Variants in MARCHF1 observed in about 807,000 individuals in gnomAD.
MARCHF1 encodes E3 ubiquitin-protein ligase MARCHF1.
In MARCHF1, 40 loss-of-function variants were observed where a neutral mutation model predicts 54.2. The ratio of observed to expected loss-of-function variants is 0.74; its 90% CI spans 0.57 to 0.96. The LOEUF is 0.96. MARCHF1 is among the 40% of genes least tolerant of loss of function. The pLI is 0.00. For synonymous variants in MARCHF1, 236 were observed against 236.3 expected (o/e 1.00, Z 0.01); for missense variants, 586 against 656.5 (o/e 0.89, Z 1.17).
rs1212913529 is a variant in MARCHF1, at chr4:163,769,931, C to T, written c.112-69068G>A. On this transcript the variant is annotated intron_variant, in intron 4 of 9. Transcript: ENST00000514618. ...TCTGCCTCTGCCACCCCTGAGATAGCAAGACTAACCCCCCTTTTCCTTTTT... is the reference window on the plus strand; with the variant it reads ...TCTGCCTCTGCCACCCCTGAGATAGTAAGACTAACCCCCCTTTTCCTTTTT... Among the ~76,000 whole-genome samples the T allele has an allele frequency of 2.0e-5, 3 of 152,114 alleles. No homozygotes were observed. The East Asian group carries it at 5.8e-4, about 29-fold the overall frequency.
intron 3 of MARCHF1, among the ~76,000 whole-genome samples, chr4:163,897,901 A>C (rs1199307413): frequency 6.6e-6 from 1 of 151,068 alleles, no homozygotes; most frequent in Non-Finnish European, 1.5e-5. Context: ...CTAAAAAAAA[A>C]CACTAAAAAA....
chr4:163,882,045 G>T (rs1213133281), intron 3 of MARCHF1, among the ~76,000 whole-genome samples: 1 of 152,194 alleles, frequency 6.6e-6, no homozygotes, highest in Admixed American at 6.5e-5. Flanking sequence ...TGCAGCATCA[G>T]CTTCTACTTA....
intron 3 of MARCHF1, among the ~76,000 whole-genome samples, chr4:163,897,306 G>A (rs1750831444): frequency 6.6e-6 from 1 of 152,048 alleles, no homozygotes; most frequent in African/African-American, 2.4e-5. Context: ...TTTTTCTGTG[G>A]CTTGCCTAAC....
intron 1 of MARCHF1, among the ~76,000 whole-genome samples, chr4:164,308,583 T>C (rs1393521020): frequency 6.6e-6 from 1 of 152,148 alleles, no homozygotes; most frequent in East Asian, 1.9e-4. Context: ...GGGAGATAAT[T>C]ACAAATGCTT....
intron 4 of MARCHF1, among the ~76,000 whole-genome samples, chr4:163,794,128 T>G (rs2110948839): frequency 6.6e-6 from 1 of 152,334 alleles, no homozygotes; most frequent in African/African-American, 2.4e-5. Context: ...TTGTACTACA[T>G]TTTAATCACT....
At chr4:163,913,999 T>G (rs5006260) in intron 3 of MARCHF1, among the ~76,000 whole-genome samples, 140,199 of 152,096 alleles carry the variant, frequency 0.92, 65,431 homozygotes, top group South Asian at 0.99. Flanking sequence ...CTATTCTTTT[T>G]TTTTTTTCTT....
In MARCHF1 at chr4:164,137,359, A is replaced by T. The variant is rs569426319; in HGVS notation, c.-322-25697T>A. Among the ~76,000 whole-genome samples, 20 of 152,328 alleles carry T rather than the reference A, an allele frequency of 1.3e-4. No individual in the cohort carries two copies. The South Asian group carries it at 4.1e-3, about 32-fold the overall frequency. The stretch of plus-strand genomic sequence containing the variant: ...AAGGAGAACTAATCTTAGTAAAATA[A>T]TTATGATAATATATTTCTATGATAG... On this transcript the variant is annotated intron_variant, in intron 1 of 9. Coordinates refer to ENST00000514618, the MANE Select transcript of MARCHF1 (RefSeq NM_001394959.1).
At chr4:164,028,655 T>C (rs1178544569) in intron 2 of MARCHF1, among the ~76,000 whole-genome samples, 1 of 152,170 alleles carries the variant, frequency 6.6e-6, no homozygotes, top group East Asian at 1.9e-4. Context: ...ATGTGATCCA[T>C]ACCCCTAACC....
rs145853772 is a variant in MARCHF1, at chr4:164,108,806, A to G, written c.-248+2782T>C. ...AATTGCTAATTTAAAATACAAGAAAAATAGTCTCTTTTTATAGGTATTACC... is the reference window on the plus strand; with the variant it reads ...AATTGCTAATTTAAAATACAAGAAAGATAGTCTCTTTTTATAGGTATTACC... On this transcript the variant is annotated intron_variant, in intron 2 of 9. Transcript: ENST00000514618. Among the ~76,000 whole-genome samples the G allele has an allele frequency of 7.2e-4, 110 of 152,224 alleles. 1 individual carries two copies. The East Asian group carries it at 0.016, about 22-fold the overall frequency.
intron 3 of MARCHF1, among the ~76,000 whole-genome samples, chr4:163,983,253 TA>T (rs1031467957): frequency 2.0e-4 from 30 of 152,272 alleles, no homozygotes; most frequent in African/African-American, 6.7e-4. Context: ...GAGATCTAGT[TA>T]AAATGTACTT....
At chr4:164,223,108 T>C (rs1732159256) in intron 1 of MARCHF1, among the ~76,000 whole-genome samples, 2 of 151,996 alleles carry the variant, frequency 1.3e-5, no homozygotes. Flanking sequence ...CCCCCATGAT[T>C]CAATTATCTT....
chr4:164,125,844 T>C (rs570190424), intron 1 of MARCHF1, among the ~76,000 whole-genome samples: 2 of 152,334 alleles, frequency 1.3e-5, no homozygotes, highest in East Asian at 3.9e-4. Flanking sequence ...GCAAGGGATC[T>C]AGGTTGTGCA....
At chr4:164,095,957 A>G (rs1755401689) in intron 2 of MARCHF1, among the ~76,000 whole-genome samples, 1 of 152,208 alleles carries the variant, frequency 6.6e-6, no homozygotes, top group South Asian at 2.1e-4. Context: ...ACGCTCATGC[A>G]GTGCTGCTGG....
At position 163,772,855 on chromosome 4, in the gene MARCHF1, C is replaced by G. The variant is rs116304184; in HGVS notation, c.112-71992G>C. Among the ~76,000 whole-genome samples the G allele has an allele frequency of 3.6e-3, 549 of 152,124 alleles. 4 individuals are homozygous for G. The highest frequency in any genetic ancestry group is 0.013 in the African/African-American group (520 of 41,480). On this transcript the variant is annotated intron_variant, in intron 4 of 9. Transcript: ENST00000514618. ...AAATCTTGGAGAGCATCTTAAAATT[C>G]TGCCTGCTGCACATTGCCACTGAAC...
chr4:163,722,536 T>C (rs1745508359), intron 4 of MARCHF1, among the ~76,000 whole-genome samples: 2 of 152,214 alleles, frequency 1.3e-5, no homozygotes, highest in African/African-American at 2.4e-5. Flanking sequence ...TCTATAGATG[T>C]CTATTAGGTC....
intron 3 of MARCHF1, among the ~76,000 whole-genome samples, chr4:163,895,067 A>G (rs1206992153): frequency 2.0e-5 from 3 of 151,902 alleles, no homozygotes; most frequent in South Asian, 2.1e-4. Context: ...ATGCATAAAT[A>G]TGCATGTGAT....
chr4:163,965,596 G>C (rs1369378069), intron 3 of MARCHF1, among the ~76,000 whole-genome samples: 1 of 152,000 alleles, frequency 6.6e-6, no homozygotes, highest in Non-Finnish European at 1.5e-5. Flanking sequence ...ACTTATCTCT[G>C]TCTTGTCTCT....
chr4:164,069,621 C>T (rs565271908), intron 2 of MARCHF1, among the ~76,000 whole-genome samples: 14 of 152,114 alleles, frequency 9.2e-5, no homozygotes, highest in South Asian at 4.2e-4. Flanking sequence ...GAAGAAACTC[C>T]GAACACATCC....
intron 5 of MARCHF1, among the ~76,000 whole-genome samples, chr4:163,689,652 G>GA (rs142869573): frequency 0.03 from 4,494 of 150,850 alleles, 77 homozygotes; most frequent in East Asian, 0.077. Context: ...CACCTGCGTG[G>GA]ATTTTTTTTT....
Sources: allele counts gnomAD v4.1 joint callset (sites outside exome capture counted in the v4.1 genomes callset), GRCh38; gene constraint gnomAD v4.1.1; transcripts MANE v1.5; gene names NCBI Gene and HGNC (gene_info 2026-07-23, HGNC 2026-07-21).